The following FAHD1 variants were observed in gnomAD, a reference collection of about 807,000 sequenced individuals.
FAHD1 encodes FAH domain containing oxaloacetate decarboxylase 1, also known as oxaloacetate tautomerase FAHD1, mitochondrial.
A neutral mutation model predicts 12.7 loss-of-function variants in FAHD1; 14 were observed. That is an observed-to-expected ratio of 1.10 (90% CI 0.73 to 1.72). The LOEUF is 1.72. Ranked by LOEUF, FAHD1 falls within the 40% of genes most tolerant of loss-of-function variation. The pLI is 0.00. For missense variants in FAHD1, 351 were observed against 298.9 expected (o/e 1.17, Z -1.29); for synonymous variants, 153 against 124.9 (o/e 1.22, Z -1.50).
chr16:1,834,442 G>A, intron 1 of FAHD1: 1 of 774,372 alleles, frequency 1.3e-6, no homozygotes, highest in Non-Finnish European at 2.2e-6. Flanking sequence ...AAAAATCAAT[G>A]ATCACGAATA....
chr16:1,827,530 C>G (rs762745175), exon 1 of FAHD1: 2 of 1,613,212 alleles, frequency 1.2e-6, no homozygotes, highest in Admixed American at 3.3e-5. Flanking sequence ...TGCCCTGTGC[C>G]TGGATATGAC....
chr16:1,833,617 A>G (rs1898665022), downstream of FAHD1, among the ~76,000 whole-genome samples: 1 of 140,226 alleles, frequency 7.1e-6, no homozygotes. Flanking sequence ...GCTGGAGTGC[A>G]GTGGCTGGAT....
At chr16:1,839,359 C>G in exon 3 of FAHD1, 1 of 1,614,172 alleles carries the variant, frequency 6.2e-7, no homozygotes, top group African/African-American at 1.3e-5. Context: ...CTGAGAAAGA[C>G]AGATTTAAAG....
downstream of FAHD1, among the ~76,000 whole-genome samples, chr16:1,830,501 G>A (rs1416445801): frequency 6.6e-6 from 1 of 152,218 alleles, no homozygotes; most frequent in African/African-American, 2.4e-5. Context: ...AGTAGAAGCA[G>A]TGCTCACATG....
downstream of FAHD1, among the ~76,000 whole-genome samples, chr16:1,830,944 A>ACACACACACACCCCACCCACC (rs57025691): frequency 0.054 from 8,012 of 147,038 alleles, 287 homozygotes; most frequent in South Asian, 0.087. Context: ...ACACACACAC[A>ACACACACACACCCCACCCACC]CCCATATTTT....
downstream of FAHD1, among the ~76,000 whole-genome samples, chr16:1,830,144 T>G (rs867205357): frequency 1.3e-5 from 2 of 152,286 alleles, no homozygotes; most frequent in Non-Finnish European, 2.9e-5. Flanking sequence ...ATTACAGGCA[T>G]GAGCCACCGT....
At chr16:1,827,595 G>A in exon 1 of FAHD1, 2 of 1,613,786 alleles carry the variant, frequency 1.2e-6, no homozygotes, top group Middle Eastern at 1.6e-4. Flanking sequence ...GGACTCTGGC[G>A]AAGAGCTTCA....
At chr16:1,835,755 G>C (rs549755203) in intron 1 of FAHD1, among the ~76,000 whole-genome samples, 211 of 152,296 alleles carry the variant, frequency 1.4e-3, no homozygotes, top group African/African-American at 4.8e-3. Context: ...TCTGAGTGAA[G>C]ATGCACTGCT....
At chr16:1,827,448 G>A (rs751388046) in exon 1 of FAHD1, 5 of 1,610,818 alleles carry the variant, frequency 3.1e-6, no homozygotes, top group Non-Finnish European at 4.2e-6. Flanking sequence ...ACGAGCTGGA[G>A]CTGGGCGTGG....
chr16:1,839,178 A>G (rs1050732428), intron 2 of FAHD1: 8 of 1,443,554 alleles, frequency 5.5e-6, no homozygotes, highest in Middle Eastern at 1.8e-4. Flanking sequence ...AATGTTTGAC[A>G]AAACAACCTA....
exon 1 of FAHD1, chr16:1,828,652 C>T: frequency 1.0e-6 from 1 of 956,624 alleles, no homozygotes; most frequent in South Asian, 4.9e-5. Flanking sequence ...ATTACTGGCC[C>T]ATCTCGGACT....
chr16:1,831,865 C>T (rs1219192780), downstream of FAHD1, among the ~76,000 whole-genome samples: 1 of 152,158 alleles, frequency 6.6e-6, no homozygotes, highest in Non-Finnish European at 1.5e-5. Flanking sequence ...ATGCCTGGAT[C>T]TGAGGTGGAA....
At chr16:1,832,513 C>T (rs568057410), downstream of FAHD1, among the ~76,000 whole-genome samples, 8 of 148,090 alleles carry the variant, frequency 5.4e-5, no homozygotes, top group South Asian at 2.4e-4. Flanking sequence ...CAGCTGGGCA[C>T]GGTGGCTCAC....
intron 2 of FAHD1, chr16:1,839,190 AT>A: frequency 6.2e-6 from 9 of 1,459,782 alleles, no homozygotes; most frequent in Admixed American, 2.7e-5. Flanking sequence ...AACAACCTAT[AT>A]TTTTTTGGGA....
exon 1 of FAHD1, chr16:1,827,667 G>A: frequency 6.2e-7 from 1 of 1,614,112 alleles, no homozygotes. Context: ...CTCACAAGCT[G>A]AAGCTCTGGC....
exon 1 of FAHD1, chr16:1,827,583 C>T (rs1567267606): frequency 6.2e-7 from 1 of 1,613,678 alleles, no homozygotes; most frequent in Non-Finnish European, 8.5e-7. Context: ...AGGGGCTGCC[C>T]TGGACTCTGG....
chr16:1,830,944 A>ACACACACACACACACACC (rs57025691), downstream of FAHD1, among the ~76,000 whole-genome samples: 6 of 147,202 alleles, frequency 4.1e-5, no homozygotes, highest in East Asian at 2.0e-4. Flanking sequence ...ACACACACAC[A>ACACACACACACACACACC]CCCATATTTT....
chr16:1,834,224 T>C (rs574188290), intron 1 of FAHD1: 16 of 1,177,020 alleles, frequency 1.4e-5, no homozygotes, highest in Middle Eastern at 1.9e-4. Context: ...AAAACTCTTA[T>C]ACTTTTCCAG....
At chr16:1,835,261 T>C (rs1252885399) in intron 1 of FAHD1, among the ~76,000 whole-genome samples, 2 of 145,250 alleles carry the variant, frequency 1.4e-5, no homozygotes, top group African/African-American at 2.6e-5. Flanking sequence ...AGACTGTGTC[T>C]CAAAAAAAAA....
Sources: allele counts gnomAD v4.1 joint callset (sites outside exome capture counted in the v4.1 genomes callset), GRCh38; gene constraint gnomAD v4.1.1; transcripts MANE v1.5; gene names NCBI Gene and HGNC (gene_info 2026-07-23, HGNC 2026-07-21).